The following MTERF4 variants were observed in gnomAD, a reference collection of about 807,000 sequenced individuals.
The protein encoded by MTERF4 is transcription termination factor 4, mitochondrial.
MTERF4 carries 17 observed loss-of-function variants against 22.5 expected under a neutral mutation model. The ratio of observed to expected loss-of-function variants is 0.75; its 90% CI spans 0.52 to 1.13. The LOEUF is 1.13. MTERF4 is among the 50% of genes most tolerant of loss of function. The pLI is 0.00. For missense variants in MTERF4, 420 were observed against 466.8 expected (o/e 0.90, Z 0.92); for synonymous variants, 165 against 175.3 (o/e 0.94, Z 0.47).
intron 2 of MTERF4, among the ~76,000 whole-genome samples, 173 bp from the exon 3 acceptor site, chr2:241,097,600 A>G (rs1173213898): frequency 6.6e-6 from 1 of 152,150 alleles, no homozygotes; most frequent in African/African-American, 2.4e-5. Context: ...GAAATGATAC[A>G]TCTCCCCACT....
At chr2:241,072,748 A>T in exon 5 of MTERF4, 1 of 192,420 alleles carries the variant, frequency 5.2e-6, no homozygotes, top group Admixed American at 5.3e-5. Flanking sequence ...TGGAGTACAG[A>T]GGGGGGCCCG....
downstream of MTERF4, among the ~76,000 whole-genome samples, chr2:241,083,778 TATTTAACATAGA>T: frequency 6.6e-6 from 1 of 152,204 alleles, no homozygotes; most frequent in South Asian, 2.1e-4. Flanking sequence ...GACTTTCTAG[TATTTAACATAGA>T]GGTGGGTCTT....
chr2:241,092,058 A>C (rs1230841224), downstream of MTERF4: 1 of 152,292 alleles, frequency 6.6e-6, no homozygotes, highest in African/African-American at 2.4e-5. The surrounding 1 kb of genome is among the most constrained non-coding windows in gnomAD (Gnocchi z 4.6). Context: ...TTCGAGGCCC[A>C]ACAAATTGAG....
At chr2:241,047,510 C>A in the MTERF4 span, among the ~76,000 whole-genome samples, 7 of 152,282 alleles carry the variant, frequency 4.6e-5, no homozygotes, top group East Asian at 1.3e-3. Flanking sequence ...AGAGCACTCA[C>A]GTTATTCTCA....
downstream of MTERF4, chr2:241,088,057 G>A (rs1415784090): frequency 2.2e-6 from 1 of 454,538 alleles, no homozygotes; most frequent in Non-Finnish European, 3.9e-6. Context: ...CTCGGCCTGT[G>A]CACGTCACCG....
At chr2:241,097,579 G>A (rs573186769) in intron 2 of MTERF4, 152 bp from the exon 3 acceptor site, 740 of 687,014 alleles carry the variant, frequency 1.1e-3, no homozygotes, top group Non-Finnish European at 1.6e-3. Context: ...TATCTTCCCA[G>A]AAGCACCATG....
chr2:241,059,618 G>A, the MTERF4 span, among the ~76,000 whole-genome samples: 1 of 151,486 alleles, frequency 6.6e-6, no homozygotes. Flanking sequence ...AAGGACACAG[G>A]TTGGTCTAAC....
chr2:241,077,843 G>C (rs142394979), intron 4 of MTERF4, among the ~76,000 whole-genome samples: 2 of 152,310 alleles, frequency 1.3e-5, no homozygotes, highest in South Asian at 4.1e-4. Context: ...TGGTGAGGAC[G>C]TGGAGAGATC....
At chr2:241,088,826 TC>T, downstream of MTERF4, 1 of 224,482 alleles carries the variant, frequency 4.5e-6, no homozygotes, top group Non-Finnish European at 8.7e-6. Flanking sequence ...TTCCGGGGGC[TC>T]CAGGAGAGGG....
chr2:241,067,899 G>A (rs755096605), downstream of MTERF4: 8 of 1,613,508 alleles, frequency 5.0e-6, no homozygotes, highest in South Asian at 8.8e-5. Flanking sequence ...GAGGCCCTCA[G>A]GGACCAGGCC....
At chr2:241,047,510 C>T in the MTERF4 span, among the ~76,000 whole-genome samples, 4 of 152,164 alleles carry the variant, frequency 2.6e-5, no homozygotes, top group Admixed American at 1.3e-4. Flanking sequence ...AGAGCACTCA[C>T]GTTATTCTCA....
At chr2:241,069,625 G>C (rs1359964074), downstream of MTERF4, among the ~76,000 whole-genome samples, 2 of 152,200 alleles carry the variant, frequency 1.3e-5, no homozygotes, top group Non-Finnish European at 2.9e-5. The surrounding 1 kb of genome is among the most constrained non-coding windows in gnomAD (Gnocchi z 4.9). Context: ...CCAGGCTCAG[G>C]GGAACCGACT....
At chr2:241,089,883 A>C (rs2063801217), downstream of MTERF4, 3 of 1,495,938 alleles carry the variant, frequency 2.0e-6, no homozygotes, top group Admixed American at 2.4e-5. Flanking sequence ...GTGTTACTGA[A>C]TACTGTAGGC....
the MTERF4 span, among the ~76,000 whole-genome samples, chr2:241,061,738 A>G: frequency 6.6e-6 from 1 of 151,984 alleles, no homozygotes; most frequent in Non-Finnish European, 1.5e-5. Flanking sequence ...TACAAAAATT[A>G]GTCGGGCATG....
At chr2:241,053,198 G>T in the MTERF4 span, 18 of 1,610,790 alleles carry the variant, frequency 1.1e-5, no homozygotes, top group Non-Finnish European at 1.5e-5. Flanking sequence ...GCCACACTGC[G>T]CTTCAACGGC....
chr2:241,093,698 T>C (rs541448287), downstream of MTERF4: 1 of 152,416 alleles, frequency 6.6e-6, no homozygotes, highest in East Asian at 1.9e-4. Context: ...TGGGATGTTT[T>C]CCACATTAAA....
downstream of MTERF4, chr2:241,089,913 G>A (rs921091637): frequency 4.6e-6 from 7 of 1,529,140 alleles, no homozygotes; most frequent in Non-Finnish European, 5.3e-6. Context: ...ACAGTGCCAA[G>A]TGTGTGTGTA....
chr2:241,102,050 T>TC (rs2064735018), intron 1 of MTERF4: 4 of 411,596 alleles, frequency 9.7e-6, no homozygotes, highest in Admixed American at 5.9e-5. Context: ...AGACTTTGTC[T>TC]CAAAAAAAAA....
At chr2:241,051,724 C>T in the MTERF4 span, 1 of 1,460,020 alleles carries the variant, frequency 6.8e-7, no homozygotes, top group African/African-American at 1.4e-5. The surrounding 1 kb of genome is among the most constrained non-coding windows in gnomAD (Gnocchi z 4.7). Context: ...GTTCATCTGC[C>T]TCTCTGTCCT....
Sources: allele counts gnomAD v4.1 joint callset (sites outside exome capture counted in the v4.1 genomes callset), GRCh38; gene constraint gnomAD v4.1.1; non-coding constraint Gnocchi (gnomAD v3.1); transcripts MANE v1.5; gene names NCBI Gene and HGNC (gene_info 2026-07-23, HGNC 2026-07-21).